EPB41L2: variants seen among roughly 807,000 people sequenced by gnomAD.
EPB41L2 encodes the protein band 4.1-like protein 2.
A neutral mutation model predicts 113.0 loss-of-function variants in EPB41L2; 43 were observed. That is an observed-to-expected ratio of 0.38 (90% CI 0.30 to 0.49). The LOEUF is 0.49. Among genes scored for constraint, EPB41L2 ranks in the 20% least tolerant of loss-of-function variants. The pLI is 0.95. For missense variants in EPB41L2, 1,147 were observed against 1,223.4 expected (o/e 0.94, Z 0.93); for synonymous variants, 442 against 436.7 (o/e 1.01, Z -0.15).
At chr6:130,893,714 T>A (rs976749911) in intron 10 of EPB41L2, among the ~76,000 whole-genome samples, 4 of 152,122 alleles carry the variant, frequency 2.6e-5, no homozygotes, top group Non-Finnish European at 4.4e-5. Flanking sequence ...ACTGGTGAGG[T>A]CAGGACACAG....
chr6:130,916,454 C>T (rs1234958796), intron 4 of EPB41L2, among the ~76,000 whole-genome samples: 1 of 152,116 alleles, frequency 6.6e-6, no homozygotes. Flanking sequence ...AATTATGAAT[C>T]CTAATACTGT....
At chr6:130,987,672 A>G (rs56821573) in intron 1 of EPB41L2, among the ~76,000 whole-genome samples, 2,224 of 151,450 alleles carry the variant, frequency 0.015, 53 homozygotes, top group African/African-American at 0.05. Flanking sequence ...CAGCCTGGGC[A>G]ACAGAGCAAG....
intron 8 of EPB41L2, among the ~76,000 whole-genome samples, chr6:130,896,046 C>T (rs1468119956): frequency 6.6e-6 from 1 of 152,140 alleles, no homozygotes; most frequent in African/African-American, 2.4e-5. Context: ...AAATCACAAA[C>T]AATACGAAAC....
At chr6:131,008,621 G>C (rs1432187981) in intron 1 of EPB41L2, among the ~76,000 whole-genome samples, 3 of 152,240 alleles carry the variant, frequency 2.0e-5, no homozygotes, top group African/African-American at 7.2e-5. Context: ...GACACTCAAT[G>C]CAAGCCCATG....
At chr6:131,047,566 G>A (rs1409483434) in intron 1 of EPB41L2, among the ~76,000 whole-genome samples, 1 of 152,176 alleles carries the variant, frequency 6.6e-6, no homozygotes, top group African/African-American at 2.4e-5. Flanking sequence ...AAAGCACTTC[G>A]ACCATTAAGT....
chr6:130,888,856 C>A (rs1010879601), intron 11 of EPB41L2, among the ~76,000 whole-genome samples: 8 of 152,182 alleles, frequency 5.3e-5, no homozygotes, highest in Admixed American at 2.6e-4. Context: ...CAGTTCACCA[C>A]CCCCTTGCAC....
At chr6:130,965,222 A>G (rs562069093) in intron 1 of EPB41L2, among the ~76,000 whole-genome samples, 1 of 152,334 alleles carries the variant, frequency 6.6e-6, no homozygotes, top group Non-Finnish European at 1.5e-5. Context: ...CTCTCAGTAT[A>G]GTGGGAGACA....
intron 19 of EPB41L2, among the ~76,000 whole-genome samples, chr6:130,854,547 A>C (rs1266054758): frequency 6.6e-6 from 1 of 152,174 alleles, no homozygotes; most frequent in East Asian, 1.9e-4. Flanking sequence ...ATTCATTTAA[A>C]AACTTATTAA....
At chr6:130,864,256 T>G (rs1387870008) in intron 17 of EPB41L2, among the ~76,000 whole-genome samples, 1 of 152,248 alleles carries the variant, frequency 6.6e-6, no homozygotes, top group Non-Finnish European at 1.5e-5. Flanking sequence ...TGGTTTTGAC[T>G]GATGGATTCT....
chr6:130,921,020 G>A (rs1384868937), intron 4 of EPB41L2, among the ~76,000 whole-genome samples: 1 of 151,974 alleles, frequency 6.6e-6, no homozygotes, highest in African/African-American at 2.4e-5. Flanking sequence ...TGAAACCTAG[G>A]ACTTTTCCTC....
intron 10 of EPB41L2, among the ~76,000 whole-genome samples, chr6:130,892,381 G>A (rs1020651635): frequency 8.1e-6 from 1 of 123,962 alleles, no homozygotes; most frequent in African/African-American, 2.7e-5. Context: ...GCTAGCACTT[G>A]CCATTTCTGA....
chr6:130,848,197 T>TCACACACACACA (rs1309842285), intron 19 of EPB41L2, among the ~76,000 whole-genome samples: 144 of 127,808 alleles, frequency 1.1e-3, no homozygotes, highest in African/African-American at 3.8e-3. Flanking sequence ...TCTCTCTCTC[T>TCACACACACACA]CTCACACACA....
At chr6:130,889,367 A>T (rs902712675) in intron 11 of EPB41L2, among the ~76,000 whole-genome samples, 1 of 152,092 alleles carries the variant, frequency 6.6e-6, no homozygotes, top group East Asian at 1.9e-4. Flanking sequence ...TTATATATAT[A>T]TTTTTCCATG....
intron 1 of EPB41L2, among the ~76,000 whole-genome samples, chr6:131,004,638 T>G (rs1215848582): frequency 6.6e-6 from 1 of 152,170 alleles, no homozygotes; most frequent in East Asian, 1.9e-4. Context: ...GACAGTGCAA[T>G]GCAGAATCCT....
intron 1 of EPB41L2, chr6:131,014,281 T>C (rs1160653537): frequency 2.6e-5 from 4 of 152,196 alleles, no homozygotes. Context: ...AGGTGGTAAA[T>C]TATGCAACAG....
intron 1 of EPB41L2, among the ~76,000 whole-genome samples, chr6:130,989,103 A>T (rs1781237837): frequency 6.6e-6 from 1 of 152,072 alleles, no homozygotes; most frequent in East Asian, 1.9e-4. Context: ...ACAAACAAAC[A>T]AACAAAGAAT....
At chr6:130,942,828 A>C (rs1347810556) in intron 3 of EPB41L2, among the ~76,000 whole-genome samples, 1 of 151,858 alleles carries the variant, frequency 6.6e-6, no homozygotes, top group Non-Finnish European at 1.5e-5. Flanking sequence ...TTCAACTCCC[A>C]CTTATGAGTG....
chr6:130,869,670 G>C lies in EPB41L2; in HGVS notation c.2500C>G (p.Leu834Val), dbSNP rs752763679. ...PGEKSVHEGA[L>V]KQDMGEEAEE... ...GCTTCTTCTCCCATGTCTTGCTTAA[G>C]AGCGCCTTCGTGTACACTCTTCTCT... The change falls in exon 15 of 20, where the codon CTT becomes GTT. Residue 834 changes from leucine (L) to valine (V), a missense_variant. By Grantham distance (32) the Leu-to-Val change is conservative (BLOSUM62 1). Transcript: ENST00000337057. The C allele has an allele frequency of 2.5e-6, 4 of 1,614,008 alleles. No individual in the cohort carries two copies. In the African/African-American group the frequency reaches 4.0e-5, roughly 16 times the overall value.
intron 1 of EPB41L2, among the ~76,000 whole-genome samples, chr6:130,993,566 G>T (rs1782385387): frequency 6.6e-6 from 1 of 152,174 alleles, no homozygotes; most frequent in Non-Finnish European, 1.5e-5. Flanking sequence ...AACAGGAAGT[G>T]TCTCAGTCTG....
Sources: gnomAD v4.1 joint callset for allele counts (sites outside exome capture counted in the v4.1 genomes callset) on GRCh38, gnomAD v4.1.1 for gene constraint, MANE v1.5 for transcripts, NCBI Gene and HGNC (gene_info 2026-07-23, HGNC 2026-07-21) for gene names.